The following HK2 variants were observed in gnomAD, a reference collection of about 807,000 sequenced individuals.
HK2 encodes the protein hexokinase-2.
A neutral mutation model predicts 92.9 loss-of-function variants in HK2; 42 were observed. That is an observed-to-expected ratio of 0.45 (90% CI 0.35 to 0.58). The LOEUF is 0.58. Among genes scored for constraint, HK2 ranks in the 20% least tolerant of loss-of-function variants. The pLI, the probability that HK2 is intolerant of heterozygous loss-of-function variation, is 0.00. For synonymous variants in HK2, 422 were observed against 468.0 expected, an observed-to-expected ratio of 0.90 and a Z score of 1.27; for missense variants, 978 against 1,245.1, an observed-to-expected ratio of 0.79 and a Z score of 3.23.
At chr2:74,845,700 G>A (rs1688418830) in intron 1 of HK2, among the ~76,000 whole-genome samples, 1 of 152,244 alleles carries the variant, frequency 6.6e-6, no homozygotes, top group Non-Finnish European at 1.5e-5. Context: ...GGCTGCCCTG[G>A]CGAGGACAAG....
intron 6 of HK2, 82 bp downstream of exon 6, chr2:74,874,025 C>T: frequency 9.0e-7 from 1 of 1,107,286 alleles, no homozygotes; most frequent in South Asian, 1.3e-5. Context: ...GGCCCATGGG[C>T]TGGGTGTTCC....
At chr2:74,836,049 C>G (rs1688158581) in intron 1 of HK2, among the ~76,000 whole-genome samples, 1 of 152,160 alleles carries the variant, frequency 6.6e-6, no homozygotes, top group Admixed American at 6.5e-5. Flanking sequence ...CTGTTATTCT[C>G]TAATTCCTGG....
chr2:74,881,521 T>C (rs1325822813), intron 10 of HK2, among the ~76,000 whole-genome samples, 190 bp from the exon 11 acceptor site: 2 of 152,246 alleles, frequency 1.3e-5, no homozygotes, highest in Non-Finnish European at 2.9e-5. Flanking sequence ...GAGGGTTTTC[T>C]CAGTTTAAAA....
chr2:74,840,505 G>C (rs190244997), intron 1 of HK2, among the ~76,000 whole-genome samples: 29 of 152,058 alleles, frequency 1.9e-4, no homozygotes, highest in Admixed American at 1.7e-3. Context: ...TATCATCGTT[G>C]AGCTTTGAAG....
chr2:74,858,454 T>G (rs1424964357), intron 2 of HK2, among the ~76,000 whole-genome samples: 1 of 152,212 alleles, frequency 6.6e-6, no homozygotes, highest in Non-Finnish European at 1.5e-5. Flanking sequence ...GATCCTCTAT[T>G]TCCTCATTTG....
chr2:74,873,433 C>T lies in HK2; in HGVS notation c.591+62C>T, dbSNP rs186412682. 2.0e-5 allele frequency: 22 copies of T among 1,099,838 alleles called. No homozygotes were observed. In the East Asian group the frequency reaches 4.7e-4, roughly 24 times the overall value. The allele number at this position is 1,099,838 out of a possible 1,614,324, so 68.1% of individuals were successfully genotyped here. ...TTTCTGGGTCCACCCTGAAGACTCC[C>T]TGAGTGTCCTTGACTCATCATTGTT... On this transcript the variant is annotated intron_variant, in intron 5 of 17. Transcript: ENST00000290573.
At position 74,854,437 on chromosome 2, in the gene HK2, T is replaced by G. The variant is rs200036720; in HGVS notation, c.208T>G (p.Ser70Ala). 1 of 1,614,202 alleles carries G rather than the reference T, an allele frequency of 6.2e-7. No individual in the cohort carries two copies. The highest frequency in any genetic ancestry group is 2.2e-5 in the East Asian group (1 of 44,888). Reference sequence around the variant, plus strand: ...GAAGATGCTGCCCACCTTTGTGAGGTCCACTCCAGATGGGACAGGTACTGC... The same window carrying G: ...GAAGATGCTGCCCACCTTTGTGAGGGCCACTCCAGATGGGACAGGTACTGC... ...AVKMLPTFVR[S>A]TPDGTEHGEF... The change falls in exon 2 of 18, where the codon TCC becomes GCC. Residue 70 changes from serine (S) to alanine (A), a missense_variant. Coordinates refer to ENST00000290573, the MANE Select transcript of HK2 (RefSeq NM_000189.5).
intron 1 of HK2, among the ~76,000 whole-genome samples, chr2:74,839,805 G>C (rs200580508): frequency 2.0e-5 from 3 of 148,056 alleles, no homozygotes; most frequent in East Asian, 2.0e-4. Flanking sequence ...CTACAGGTGC[G>C]CACCACCATG....
intron 7 of HK2, among the ~76,000 whole-genome samples, chr2:74,875,618 C>T (rs928291940): frequency 6.6e-6 from 1 of 152,060 alleles, no homozygotes; most frequent in Non-Finnish European, 1.5e-5. Flanking sequence ...CGTGAGCCAC[C>T]GCGCCCGGCC....
intron 1 of HK2, chr2:74,835,226 G>C (rs866441101): frequency 5.8e-6 from 1 of 171,674 alleles, no homozygotes; most frequent in East Asian, 1.7e-4. Context: ...CCCCCTCCCC[G>C]GAACTGTGGC....
At position 74,874,325 on chromosome 2, in the gene HK2, G is replaced by C; in HGVS notation, c.751G>C (p.Asp251His). 1 of 1,614,160 alleles carries C rather than the reference G, an allele frequency of 6.2e-7. No individual in the cohort carries two copies. The highest frequency in any genetic ancestry group is 1.1e-5 in the South Asian group (1 of 91,080). Residue 251 changes from aspartate to histidine, a missense_variant, in exon 7 of 18, where the codon GAT becomes CAT. Asp to His is a moderately conservative substitution (Grantham distance 81, BLOSUM62 -1). Coordinates refer to ENST00000290573, the MANE Select transcript of HK2 (RefSeq NM_000189.5). ...EMRHIDMVEG[D>H]EGRMCINMEW... ...GCGCCACATCGACATGGTGGAAGGC[G>C]ATGAGGGGCGGATGTGTATCAATAT...
intron 1 of HK2, among the ~76,000 whole-genome samples, chr2:74,852,180 A>T (rs1207409999): frequency 6.6e-6 from 1 of 152,208 alleles, no homozygotes; most frequent in Non-Finnish European, 1.5e-5. Context: ...GCTTGCCATT[A>T]TTACAGTTGC....
At chr2:74,882,382 A>T (rs1276414047) in intron 12 of HK2, 143 bp downstream of exon 12, 8 of 1,230,192 alleles carry the variant, frequency 6.5e-6, no homozygotes, top group Non-Finnish European at 9.5e-6. Flanking sequence ...GGGCTCCTTG[A>T]TGGGAATGAG....
rs566397630 is a variant in HK2 at position 74,890,668 on chromosome 2, T to C, written c.2610-129T>C. On this transcript the variant is annotated intron_variant, in intron 17 of 17. Transcript: ENST00000290573. ...GTAAATGTTTAATACATTATAGCTG[T>C]CATCCTTCTCCTCTTCTTAATTATT... The C allele has an allele frequency of 3.1e-5, 33 of 1,079,300 alleles. No individual in the cohort carries two copies. The African/African-American group carries it at 4.6e-4, about 15-fold the overall frequency. The allele number at this position is 1,079,300 out of a possible 1,614,324, so 66.9% of individuals were successfully genotyped here. A position where few individuals can be genotyped will look rare whatever the true frequency, so the allele number is the denominator to read the frequency against.
intron 5 of HK2, 61 bp downstream of exon 5, chr2:74,873,432 CCT>C (rs1558799660): frequency 2.7e-6 from 3 of 1,100,026 alleles, no homozygotes; most frequent in Admixed American, 1.7e-5. Flanking sequence ...CTGAAGACTC[CCT>C]GAGTGTCCTT....
chr2:74,852,466 C>A (rs371225338), intron 1 of HK2, among the ~76,000 whole-genome samples: 10 of 152,074 alleles, frequency 6.6e-5, no homozygotes, highest in African/African-American at 2.4e-4. Flanking sequence ...ACCCTTTTTC[C>A]TCCTGGGGAG....
chr2:74,834,326 A>C lies in HK2; in HGVS notation c.-255A>C, dbSNP rs1036946892. On this transcript the variant is annotated 5_prime_UTR_variant, in exon 1 of 18. Transcript: ENST00000290573. The surrounding 1 kb of genome is among the most constrained non-coding windows in gnomAD (Gnocchi z 4.2). ...GCCGAAGTTAGCGCCTTGACGTGGGACAACCGGACACGTCGCCAGGAGAGA... is the reference window on the plus strand; with the variant it reads ...GCCGAAGTTAGCGCCTTGACGTGGGCCAACCGGACACGTCGCCAGGAGAGA... The C allele has an allele frequency of 4.1e-5, 23 of 563,640 alleles. No individual in the cohort carries two copies. In the African/African-American group the frequency reaches 4.1e-4, roughly 10 times the overall value. 34.9% of individuals were successfully genotyped at this position (563,640 alleles called of 1,614,324 possible).
At chr2:74,840,384 G>C (rs1006820287) in intron 1 of HK2, among the ~76,000 whole-genome samples, 6 of 151,964 alleles carry the variant, frequency 3.9e-5, no homozygotes, top group Non-Finnish European at 8.8e-5. Context: ...AGTTGGCAAT[G>C]GGAGTAAGGA....
chr2:74,868,562 TTC>T (rs1689018033), intron 3 of HK2, among the ~76,000 whole-genome samples: 1 of 152,170 alleles, frequency 6.6e-6, no homozygotes, highest in Non-Finnish European at 1.5e-5. Context: ...TCTAGTACTC[TTC>T]GTGTTTTTTT....
Sources: allele counts gnomAD v4.1 joint callset (sites outside exome capture counted in the v4.1 genomes callset), GRCh38; gene constraint gnomAD v4.1.1; non-coding constraint Gnocchi (gnomAD v3.1); transcripts MANE v1.5; gene names NCBI Gene and HGNC (gene_info 2026-07-23, HGNC 2026-07-21).